Variants in SYNGR1 observed in about 807,000 individuals in gnomAD.
The protein encoded by SYNGR1 is synaptogyrin 1.
Under a neutral mutation model 26.1 loss-of-function variants are expected in SYNGR1, and 14 were observed. The ratio of observed to expected loss-of-function variants is 0.54; its 90% CI spans 0.35 to 0.84. The LOEUF is 0.84. Among genes scored for constraint, SYNGR1 ranks in the 40% least tolerant of loss-of-function variants. SYNGR1 has a pLI of 0.01. For synonymous variants in SYNGR1, 141 were observed against 150.1 expected (o/e 0.94, Z 0.44); for missense variants, 319 against 332.9 (o/e 0.96, Z 0.33).
At chr22:39,366,269 G>A (rs913610548) in intron 1 of SYNGR1, among the ~76,000 whole-genome samples, 23 of 151,862 alleles carry the variant, frequency 1.5e-4, no homozygotes, top group African/African-American at 4.8e-4. Flanking sequence ...GATCACAGGC[G>A]TGAGCCACCA....
intron 3 of SYNGR1, among the ~76,000 whole-genome samples, chr22:39,381,104 G>A (rs752536667): frequency 2.0e-5 from 3 of 152,152 alleles, no homozygotes; most frequent in Non-Finnish European, 2.9e-5. Flanking sequence ...CATGAGCCGC[G>A]GTGCATGGCC....
chr22:39,360,010 C>T (rs937382110), intron 1 of SYNGR1, among the ~76,000 whole-genome samples: 61 of 152,314 alleles, frequency 4.0e-4, no homozygotes, highest in African/African-American at 1.4e-3. Context: ...TCCTGTCTCC[C>T]TCCGCACCTC....
At chr22:39,369,220 T>C (rs16985827) in intron 1 of SYNGR1, among the ~76,000 whole-genome samples, 4,092 of 152,290 alleles carry the variant, frequency 0.027, 135 homozygotes, top group African/African-American at 0.073. Context: ...CTTGTTGCAG[T>C]ACACCAGTGC....
At chr22:39,362,343 G>C (rs192633349) in intron 1 of SYNGR1, among the ~76,000 whole-genome samples, 141 of 152,202 alleles carry the variant, frequency 9.3e-4, no homozygotes, top group African/African-American at 3.2e-3. Context: ...CCGAGCACTC[G>C]GGGCGACAGC....
At chr22:39,357,115 G>A (rs536602546) in intron 1 of SYNGR1, among the ~76,000 whole-genome samples, 2 of 152,222 alleles carry the variant, frequency 1.3e-5, no homozygotes, top group East Asian at 1.9e-4. Flanking sequence ...CAAATTAGCC[G>A]GGTGTGGTGG....
intron 1 of SYNGR1, among the ~76,000 whole-genome samples, chr22:39,362,553 C>G (rs1924531437): frequency 6.6e-6 from 1 of 152,192 alleles, no homozygotes; most frequent in Non-Finnish European, 1.5e-5. Context: ...TCACTTGACC[C>G]TGGGGGAAGA....
chr22:39,369,450 C>A (rs1335870776), intron 1 of SYNGR1, among the ~76,000 whole-genome samples: 1 of 152,164 alleles, frequency 6.6e-6, no homozygotes, highest in Non-Finnish European at 1.5e-5. Context: ...CGCCTGATCC[C>A]CAGTCACACT....
Position 39,350,195 on chromosome 22 carries a change from CGA to C in SYNGR1, c.99+87_99+88del. ...GGCGCGCCCGGACCGACCCCGACCC[CGA>C]CCCCAACGGGCCCCCGGCGGCGGCG... is the stretch of plus-strand genomic sequence containing the variant. On this transcript the variant is annotated intron_variant, in intron 1 of 3. Coordinates refer to ENST00000328933, the MANE Select transcript of SYNGR1 (RefSeq NM_004711.5). The surrounding 1 kb of genome is among the most constrained non-coding windows in gnomAD (Gnocchi z 4.3). 1.0e-6 allele frequency: 1 copy of C among 963,722 alleles called. No individual in the cohort carries two copies. The allele number at this position is 963,722 out of a possible 1,614,324, so 59.7% of individuals were successfully genotyped here. A position where few individuals can be genotyped will look rare whatever the true frequency, so the allele number is the denominator to read the frequency against.
At position 39,363,650 on chromosome 22, in the gene SYNGR1, C is replaced by T. The variant is rs149181081; in HGVS notation, c.100-10666C>T. ...GGTGATGGACTTTATCTTCAGCCAGCGGAGGGATTGTTGAGGTTTGGAGTG... is the reference window on the plus strand; with the variant it reads ...GGTGATGGACTTTATCTTCAGCCAGTGGAGGGATTGTTGAGGTTTGGAGTG... On this transcript the variant is annotated intron_variant, in intron 1 of 3. Coordinates refer to ENST00000328933, the MANE Select transcript of SYNGR1 (RefSeq NM_004711.5). 4.7e-4 allele frequency among the ~76,000 whole-genome samples: 71 copies of T among 152,086 alleles called. No homozygotes were observed. The East Asian group carries it at 0.01, about 22-fold the overall frequency.
At chr22:39,362,605 C>T (rs963502501) in intron 1 of SYNGR1, among the ~76,000 whole-genome samples, 1 of 152,178 alleles carries the variant, frequency 6.6e-6, no homozygotes, top group African/African-American at 2.4e-5. Context: ...GGCAGCCTGA[C>T]TCATTTCTCA....
At chr22:39,373,565 C>T (rs556394985) in intron 1 of SYNGR1, among the ~76,000 whole-genome samples, 1 of 152,302 alleles carries the variant, frequency 6.6e-6, no homozygotes, top group African/African-American at 2.4e-5. Flanking sequence ...TCACTACAAC[C>T]TCCACCTCCT....
intron 1 of SYNGR1, among the ~76,000 whole-genome samples, chr22:39,358,501 G>A (rs1006850993): frequency 6.6e-6 from 1 of 152,142 alleles, no homozygotes; most frequent in African/African-American, 2.4e-5. Context: ...TCACCGCGAA[G>A]GTCTGCAGCT....
chr22:39,369,959 G>A (rs1477577207), intron 1 of SYNGR1, among the ~76,000 whole-genome samples: 1 of 152,106 alleles, frequency 6.6e-6, no homozygotes, highest in Non-Finnish European at 1.5e-5. Flanking sequence ...CCATTTTAAT[G>A]TTGTATAATT....
chr22:39,377,618 C>G, intron 3 of SYNGR1: 1 of 1,614,010 alleles, frequency 6.2e-7, no homozygotes, highest in Non-Finnish European at 8.5e-7. Context: ...CAGCCCTGGC[C>G]GTGCGGAGAT....
At chr22:39,366,737 G>A (rs1312678858) in intron 1 of SYNGR1, among the ~76,000 whole-genome samples, 1 of 152,124 alleles carries the variant, frequency 6.6e-6, no homozygotes, top group African/African-American at 2.4e-5. Context: ...GGGTGCTGTC[G>A]TAGCTCCTGT....
At chr22:39,352,333 A>G (rs1391426464) in intron 1 of SYNGR1, among the ~76,000 whole-genome samples, 2 of 152,252 alleles carry the variant, frequency 1.3e-5, no homozygotes, top group African/African-American at 4.8e-5. Context: ...CACCTTTAAA[A>G]GTAGCTTTTT....
At chr22:39,377,164 G>A (rs1277234807) in intron 3 of SYNGR1, 1 of 1,469,930 alleles carries the variant, frequency 6.8e-7, no homozygotes, top group East Asian at 2.5e-5. Context: ...AGCCGTCCCT[G>A]TTTCCCCCAT....
Position 39,382,131 on chromosome 22 carries a change from T to G in SYNGR1, c.*217T>G. 1.6e-6 allele frequency: 1 copy of G among 614,352 alleles called. No homozygotes were observed. Among genetic ancestry groups the G allele is most frequent in the Non-Finnish European group, 2.9e-6 (1 of 347,824 alleles). The allele number at this position is 614,352 out of a possible 1,614,324, so 38.1% of individuals were successfully genotyped here. On this transcript the variant is annotated 3_prime_UTR_variant, in exon 4 of 4. Coordinates refer to ENST00000328933, the MANE Select transcript of SYNGR1 (RefSeq NM_004711.5). ...CCAGGGCATGTGCCCCGCAGGGGCCTAGAGGGTGGGGGCCAGGGGTATTTG... is the reference window on the plus strand; with the variant it reads ...CCAGGGCATGTGCCCCGCAGGGGCCGAGAGGGTGGGGGCCAGGGGTATTTG...
intron 1 of SYNGR1, among the ~76,000 whole-genome samples, chr22:39,354,174 A>G (rs1239353175): frequency 6.6e-6 from 1 of 152,218 alleles, no homozygotes. Flanking sequence ...TGTTTCTTTA[A>G]TTCTCTACTT....
Sources: allele counts gnomAD v4.1 joint callset (sites outside exome capture counted in the v4.1 genomes callset), GRCh38; gene constraint gnomAD v4.1.1; non-coding constraint Gnocchi (gnomAD v3.1); transcripts MANE v1.5; gene names NCBI Gene and HGNC (gene_info 2026-07-23, HGNC 2026-07-21).